The following PLEKHG4B variants were observed in gnomAD, a reference collection of about 807,000 sequenced individuals.
PLEKHG4B encodes the protein pleckstrin homology and RhoGEF domain containing G4B.
PLEKHG4B carries 111 observed loss-of-function variants against 121.3 expected under a neutral mutation model. The observed-to-expected ratio is 0.92, with a 90% CI of 0.78 to 1.07. The LOEUF is 1.07. Ranked by LOEUF, PLEKHG4B falls within the 50% of genes least tolerant of loss-of-function variation. The pLI is 0.00. For synonymous variants in PLEKHG4B, 738 were observed against 725.0 expected, an observed-to-expected ratio of 1.02 and a Z score of -0.29; for missense variants, 1,831 against 1,757.8, an observed-to-expected ratio of 1.04 and a Z score of -0.74.
Position 144,834 on chromosome 5 carries a change from G to A in PLEKHG4B, c.1819G>A (p.Val607Ile). 6.2e-7 allele frequency: 1 copy of A among 1,613,258 alleles called. No individual in the cohort carries two copies. The highest frequency in any genetic ancestry group is 8.5e-7 in the Non-Finnish European group (1 of 1,179,790). The change falls in exon 6 of 20, where the codon GTC becomes ATC. Residue 607 changes from valine (V) to isoleucine (I), a missense_variant. By Grantham distance (29) the Val-to-Ile change is conservative (BLOSUM62 3). Transcript: ENST00000637938. ...LYFHSIPRKE[V>I]RDLGLVVLVD... ...CTGTCTTTCCCTCCCCAGGAAAGAG[G>A]TCCGGGACCTGGGGCTGGTTGTCCT...
rs1463907883 is a variant in PLEKHG4B at position 174,073 on chromosome 5, G to C, written c.4377G>C (p.Leu1459=). Reference sequence around the variant, plus strand: ...GGACCGATGTCATAGGGAGGATCCTGTGGCGGCAGGCACTAAAGAGCAGAG... The same window carrying C: ...GGACCGATGTCATAGGGAGGATCCTCTGGCGGCAGGCACTAAAGAGCAGAG... ...SAWTDVIGRI[L]WRQALKSREL... is the part of the protein sequence containing the mutation. The change falls in exon 18 of 20, where the codon CTG becomes CTC. Residue 1459 remains leucine, a synonymous_variant. Transcript: ENST00000637938. 1.3e-6 allele frequency: 2 copies of C among 1,587,724 alleles called. No individual in the cohort carries two copies. Among genetic ancestry groups the C allele is most frequent in the Admixed American group, 3.7e-5 (2 of 54,552 alleles).
At chr5:163,797 C>T (rs993215617) in intron 13 of PLEKHG4B, among the ~76,000 whole-genome samples, 9 of 152,224 alleles carry the variant, frequency 5.9e-5, no homozygotes, top group South Asian at 2.1e-4. Flanking sequence ...CTCACTCTGA[C>T]GGTTAAGTAA....
chr5:186,005 G>C lies in PLEKHG4B; in HGVS notation c.*3682G>C, dbSNP rs1733612208. 6.6e-6 allele frequency: 1 copy of C among 152,256 alleles called. No homozygotes were observed. Among genetic ancestry groups the C allele is most frequent in the Non-Finnish European group, 1.5e-5 (1 of 68,058 alleles). The allele number at this position is 152,256 out of a possible 1,614,324, so 9.4% of individuals were successfully genotyped here. A position where few individuals can be genotyped will look rare whatever the true frequency, so the allele number is the denominator to read the frequency against. ...TGACTTGGTCTGGGCAGATGCAAAG[G>C]CCACCCTGCAGGGCTGAGGTGTCTG... is the stretch of plus-strand genomic sequence containing the variant. On this transcript the variant is annotated 3_prime_UTR_variant, in exon 20 of 20. Coordinates refer to ENST00000637938, the MANE Select transcript of PLEKHG4B (RefSeq NM_052909.5).
intron 2 of PLEKHG4B, among the ~76,000 whole-genome samples, chr5:136,008 T>C (rs1455522933): frequency 6.6e-6 from 1 of 151,940 alleles, no homozygotes; most frequent in East Asian, 1.9e-4. Context: ...AGCCCAGTAA[T>C]GAACCCTCAC....
At chr5:142,877 G>T (rs1472379321) in intron 3 of PLEKHG4B, among the ~76,000 whole-genome samples, 170 bp from the exon 4 acceptor site, 1 of 152,224 alleles carries the variant, frequency 6.6e-6, no homozygotes, top group Non-Finnish European at 1.5e-5. Context: ...CGCATGCCCT[G>T]TGCAGTGGGA....
chr5:168,622 G>A (rs7725504), intron 13 of PLEKHG4B, among the ~76,000 whole-genome samples: 1,821 of 152,322 alleles, frequency 0.012, 39 homozygotes, highest in African/African-American at 0.041. Flanking sequence ...CTTATGTTCA[G>A]AGTTTCAGTT....
chr5:156,716 A>G lies in PLEKHG4B; in HGVS notation c.2349-57A>G, dbSNP rs755908670. The G allele has an allele frequency of 6.6e-7, 1 of 1,511,646 alleles. No homozygotes were observed. The highest frequency in any genetic ancestry group is 8.9e-7 in the Non-Finnish European group (1 of 1,125,066). The allele number at this position is 1,511,646 out of a possible 1,614,324, so 93.6% of individuals were successfully genotyped here. ...GGGTTTTTATATGGGGTTGTCACCA[A>G]GAGCAGATTCCTCAAGGGGCCGCCT... On this transcript the variant is annotated intron_variant, in intron 10 of 19. Coordinates refer to ENST00000637938, the MANE Select transcript of PLEKHG4B (RefSeq NM_052909.5). The surrounding 1 kb of genome is among the most constrained non-coding windows in gnomAD (Gnocchi z 4.4).
At chr5:129,680 G>A (rs549206358) in intron 2 of PLEKHG4B, among the ~76,000 whole-genome samples, 2 of 152,304 alleles carry the variant, frequency 1.3e-5, no homozygotes, top group South Asian at 2.1e-4. Context: ...TGAGAGCTAC[G>A]AAGTATTCCC....
intron 2 of PLEKHG4B, among the ~76,000 whole-genome samples, chr5:130,786 T>C (rs1734756397): frequency 1.3e-5 from 2 of 152,324 alleles, no homozygotes. Context: ...ATTTACCCTG[T>C]GTGATCTGCA....
rs545371776 is a variant in PLEKHG4B, at chr5:104,725, T to A, written c.46-8526T>A. Among the ~76,000 whole-genome samples the A allele has an allele frequency of 4.6e-5, 7 of 152,372 alleles. No individual in the cohort carries two copies. In the East Asian group the frequency reaches 1.2e-3, roughly 25 times the overall value. Reference sequence around the variant, plus strand: ...CTCAGGCAGAGTCTCTGATAAGTTGTTTGACATCCTTTGAGCTGCATTTCA... The same window carrying A: ...CTCAGGCAGAGTCTCTGATAAGTTGATTGACATCCTTTGAGCTGCATTTCA... On this transcript the variant is annotated intron_variant, in intron 1 of 19. Coordinates refer to ENST00000637938, the MANE Select transcript of PLEKHG4B (RefSeq NM_052909.5).
Position 140,447 on chromosome 5 carries a change from G to T in PLEKHG4B, c.1208G>T (p.Gly403Val). The part of the protein sequence containing the change: ...VASGTQEETS[G>V]PRGDPQQTPS... ...AGTGGGACCCAGGAGGAAACCTCTG[G>T]CCCCCGGGGAGACCCCCAACAGACC... Residue 403 changes from glycine to valine, a missense_variant, in exon 3 of 20, where the codon GGC becomes GTC. Transcript: ENST00000637938. 24 of 1,577,478 alleles carry T rather than the reference G, an allele frequency of 1.5e-5. No individual in the cohort carries two copies. The highest frequency in any genetic ancestry group is 2.1e-5 in the Non-Finnish European group (24 of 1,162,212).
chr5:183,906 A>G lies in PLEKHG4B; in HGVS notation c.*1583A>G, dbSNP rs1733511840. 6.6e-6 allele frequency: 1 copy of G among 152,130 alleles called. No individual in the cohort carries two copies. Among genetic ancestry groups the G allele is most frequent in the Non-Finnish European group, 1.5e-5 (1 of 68,034 alleles). The allele number at this position is 152,130 out of a possible 1,614,324, so 9.4% of individuals were successfully genotyped here. On this transcript the variant is annotated 3_prime_UTR_variant, in exon 20 of 20. Transcript: ENST00000637938. ...CCTTGAAGACACATCAGTGGAAACT[A>G]TTTGCATTTGTTGGGCCTCCAGAGA...
chr5:169,115 C>T (rs1315559851), intron 13 of PLEKHG4B: 1 of 568,006 alleles, frequency 1.8e-6, no homozygotes. Context: ...ACCTCGTGAT[C>T]TACCCGCCTC....
At chr5:142,428 G>A (rs971815274) in intron 3 of PLEKHG4B, among the ~76,000 whole-genome samples, 9 of 147,400 alleles carry the variant, frequency 6.1e-5, no homozygotes, top group South Asian at 2.2e-4. Flanking sequence ...CACGATACAC[G>A]CGCGCACAGT....
At chr5:103,550 T>G (rs1324343034) in intron 1 of PLEKHG4B, among the ~76,000 whole-genome samples, 3 of 152,210 alleles carry the variant, frequency 2.0e-5, no homozygotes, top group Non-Finnish European at 4.4e-5. Flanking sequence ...ACTGCCACTT[T>G]GCAGAATTCC....
At chr5:131,227 A>G (rs1734768871) in intron 2 of PLEKHG4B, among the ~76,000 whole-genome samples, 1 of 151,942 alleles carries the variant, frequency 6.6e-6, no homozygotes, top group Non-Finnish European at 1.5e-5. Flanking sequence ...CGTCATTTAC[A>G]TTAAGTATTT....
intron 1 of PLEKHG4B, among the ~76,000 whole-genome samples, chr5:100,392 A>G (rs949120929): frequency 6.6e-5 from 10 of 150,994 alleles, no homozygotes; most frequent in Admixed American, 2.0e-4. Context: ...AAAGCCCTGG[A>G]AAAAGCCTGT....
chr5:160,780 A>T (rs1373347733), intron 11 of PLEKHG4B, among the ~76,000 whole-genome samples: 1 of 151,616 alleles, frequency 6.6e-6, no homozygotes, highest in African/African-American at 2.4e-5. Context: ...ATGACAGCCG[A>T]TTTTTCCACA....
chr5:131,563 G>A (rs371832548), intron 2 of PLEKHG4B, among the ~76,000 whole-genome samples: 2 of 152,062 alleles, frequency 1.3e-5, no homozygotes, highest in Non-Finnish European at 1.5e-5. Flanking sequence ...GAATAGTGCC[G>A]CAGTAAACAT....
Sources: allele counts gnomAD v4.1 joint callset (sites outside exome capture counted in the v4.1 genomes callset), GRCh38; gene constraint gnomAD v4.1.1; non-coding constraint Gnocchi (gnomAD v3.1); transcripts MANE v1.5; gene names NCBI Gene and HGNC (gene_info 2026-07-23, HGNC 2026-07-21).